The following CTNNA3 variants were observed in gnomAD, a reference collection of about 807,000 sequenced individuals.
The protein encoded by CTNNA3 is catenin alpha 3.
A neutral mutation model predicts 95.7 loss-of-function variants in CTNNA3; 76 were observed. The observed-to-expected ratio is 0.79, with a 90% CI of 0.66 to 0.96. CTNNA3 has a LOEUF of 0.96. Ranked by LOEUF, CTNNA3 falls within the 40% of genes least tolerant of loss-of-function variation. The pLI, the probability that CTNNA3 is intolerant of heterozygous loss-of-function variation, is 0.00. For synonymous variants in CTNNA3, 431 were observed against 374.4 expected (o/e 1.15, Z -1.74); for missense variants, 1,191 against 1,089.8 (o/e 1.09, Z -1.31).
intron 13 of CTNNA3, among the ~76,000 whole-genome samples, chr10:66,116,481 T>C (rs1180613864): frequency 6.6e-6 from 1 of 152,150 alleles, no homozygotes; most frequent in Admixed American, 6.6e-5. Flanking sequence ...ACAACTCAAA[T>C]CTTAATCAAC....
intron 1 of CTNNA3, among the ~76,000 whole-genome samples, chr10:67,692,736 TAAAAA>T (rs200961420): frequency 1.5e-4 from 12 of 80,840 alleles, no homozygotes; most frequent in Non-Finnish European, 1.9e-4. Context: ...GAATGATCAA[TAAAAA>T]AAAAAAAAAA....
chr10:66,111,521 C>T (rs557957279), intron 13 of CTNNA3, among the ~76,000 whole-genome samples: 8 of 152,144 alleles, frequency 5.3e-5, no homozygotes, highest in African/African-American at 1.7e-4. Context: ...TTGTCATGCA[C>T]GGCATGGCCG....
chr10:66,097,358 G>T (rs1237050759), intron 14 of CTNNA3, among the ~76,000 whole-genome samples: 2 of 152,104 alleles, frequency 1.3e-5, no homozygotes, highest in Non-Finnish European at 2.9e-5. Flanking sequence ...CATTTTTCAT[G>T]AGATTCATTT....
intron 9 of CTNNA3, among the ~76,000 whole-genome samples, chr10:66,629,420 T>G (rs766093824): frequency 6.6e-6 from 1 of 152,116 alleles, no homozygotes; most frequent in Non-Finnish European, 1.5e-5. Context: ...GGTGCAAAAG[T>G]GATTGTGGTT....
At chr10:67,583,474 C>T (rs1190583201) in intron 3 of CTNNA3, among the ~76,000 whole-genome samples, 1 of 152,196 alleles carries the variant, frequency 6.6e-6, no homozygotes, top group Non-Finnish European at 1.5e-5. Flanking sequence ...TGATCTTTCT[C>T]TCTGGCTGCC....
At chr10:66,467,953 A>T (rs1469444675) in intron 11 of CTNNA3, among the ~76,000 whole-genome samples, 2 of 152,050 alleles carry the variant, frequency 1.3e-5, no homozygotes, top group African/African-American at 4.8e-5. Flanking sequence ...TAGAAAATTT[A>T]ATAGTAGTAG....
chr10:67,142,791 G>A (rs1860638807), intron 7 of CTNNA3, among the ~76,000 whole-genome samples: 1 of 152,140 alleles, frequency 6.6e-6, no homozygotes, highest in Non-Finnish European at 1.5e-5. Context: ...AATTAGCCAG[G>A]CGTGGTGGCA....
chr10:66,420,776 G>T (rs1470760327), intron 11 of CTNNA3, among the ~76,000 whole-genome samples: 1 of 149,144 alleles, frequency 6.7e-6, no homozygotes, highest in Admixed American at 6.7e-5. Flanking sequence ...TCCAGCCTGG[G>T]TGACACAGCA....
chr10:66,540,689 C>G (rs1201909136), intron 10 of CTNNA3, among the ~76,000 whole-genome samples: 3 of 138,094 alleles, frequency 2.2e-5, no homozygotes, highest in Non-Finnish European at 4.6e-5. Flanking sequence ...TCCTTTCTTC[C>G]TTTCTAGTAC....
At chr10:66,870,210 T>C (rs1844342617) in intron 7 of CTNNA3, among the ~76,000 whole-genome samples, 1 of 146,998 alleles carries the variant, frequency 6.8e-6, no homozygotes, top group African/African-American at 2.6e-5. Context: ...TTGTTAGAGA[T>C]ACAATATGCA....
At chr10:67,231,547 G>A (rs10997585) in intron 5 of CTNNA3, among the ~76,000 whole-genome samples, 46,942 of 152,078 alleles carry the variant, frequency 0.31, 10,076 homozygotes, top group African/African-American at 0.61. Context: ...TCAAAGACCA[G>A]AAGTAGATAA....
intron 10 of CTNNA3, among the ~76,000 whole-genome samples, chr10:66,583,135 G>T (rs925746557): frequency 1.3e-5 from 2 of 151,734 alleles, no homozygotes; most frequent in African/African-American, 4.8e-5. Flanking sequence ...TTTGGTACCA[G>T]GGTGATACTG....
At chr10:67,200,478 A>G (rs1440555102) in intron 6 of CTNNA3, among the ~76,000 whole-genome samples, 1 of 152,212 alleles carries the variant, frequency 6.6e-6, no homozygotes, top group African/African-American at 2.4e-5. Flanking sequence ...ATCAGCACCA[A>G]AAATTATCCC....
intron 1 of CTNNA3, among the ~76,000 whole-genome samples, chr10:67,664,059 T>C (rs1484200698): frequency 2.0e-5 from 3 of 152,238 alleles, no homozygotes; most frequent in Non-Finnish European, 2.9e-5. Context: ...AATTTACTGC[T>C]AGATTAAAAG....
intron 12 of CTNNA3, among the ~76,000 whole-genome samples, chr10:66,334,799 G>A (rs778929440): frequency 6.6e-6 from 1 of 152,078 alleles, no homozygotes; most frequent in Non-Finnish European, 1.5e-5. Flanking sequence ...GATTGGGGAA[G>A]TTCTCCTGGA....
intron 7 of CTNNA3, among the ~76,000 whole-genome samples, chr10:67,166,000 G>A (rs370338594): frequency 8.6e-5 from 13 of 152,030 alleles, no homozygotes; most frequent in African/African-American, 2.2e-4. Context: ...CATACTAACC[G>A]TCTTGCCAAC....
At position 65,914,566 on chromosome 10, in the gene CTNNA3, A is replaced by T. The variant is rs1252574547; in HGVS notation, c.*5764T>A. The T allele has an allele frequency of 6.6e-6, 1 of 152,194 alleles. No individual in the cohort carries two copies. Among genetic ancestry groups the T allele is most frequent in the Non-Finnish European group, 1.5e-5 (1 of 68,026 alleles). The allele number at this position is 152,194 out of a possible 1,614,324, so 9.4% of individuals were successfully genotyped here. A position where few individuals can be genotyped will look rare whatever the true frequency, so the allele number is the denominator to read the frequency against. ...ATTTGCTACAGTTTGGGTAAATTTC[A>T]AATACAGGGAAACTTTATCCTACTA... On this transcript the variant is annotated 3_prime_UTR_variant, in exon 18 of 18. Coordinates refer to ENST00000433211, the MANE Select transcript of CTNNA3 (RefSeq NM_013266.4).
intron 15 of CTNNA3, among the ~76,000 whole-genome samples, chr10:66,067,744 C>A (rs566685623): frequency 6.6e-6 from 1 of 151,934 alleles, no homozygotes; most frequent in Non-Finnish European, 1.5e-5. Flanking sequence ...GGTGAAACTC[C>A]GTCTCTACTA....
chr10:66,649,765 C>T (rs1317698209), intron 9 of CTNNA3, among the ~76,000 whole-genome samples: 1 of 152,222 alleles, frequency 6.6e-6, no homozygotes, highest in Non-Finnish European at 1.5e-5. Flanking sequence ...GCCCCAGTAT[C>T]AGGCAAGCCC....
Sources: gnomAD v4.1 joint callset for allele counts (sites outside exome capture counted in the v4.1 genomes callset) on GRCh38, gnomAD v4.1.1 for gene constraint, MANE v1.5 for transcripts, NCBI Gene and HGNC (gene_info 2026-07-23, HGNC 2026-07-21) for gene names.